HERC4: variants seen among roughly 807,000 people sequenced by gnomAD.
HERC4 encodes the protein probable E3 ubiquitin-protein ligase HERC4.
In HERC4, 28 loss-of-function variants were observed where a neutral mutation model predicts 124.3. That is an observed-to-expected ratio of 0.23 (90% CI 0.17 to 0.31). The LOEUF (loss-of-function observed/expected upper bound fraction) is 0.31, where lower values mean the gene tolerates loss of function less well. Among genes scored for constraint, HERC4 ranks in the 10% least tolerant of loss-of-function variants. The probability of loss-of-function intolerance (pLI) is 1.00; values close to 1 mark genes in which losing one functional copy is unlikely to be tolerated. For missense variants in HERC4, 713 were observed against 1,229.3 expected (o/e 0.58, Z 6.28); for synonymous variants, 407 against 421.5 (o/e 0.97, Z 0.42).
At chr10:68,007,563 T>A (rs2037647474) in intron 9 of HERC4, among the ~76,000 whole-genome samples, 1 of 152,148 alleles carries the variant, frequency 6.6e-6, no homozygotes, top group Non-Finnish European at 1.5e-5. Flanking sequence ...ATTTATTCTA[T>A]CCTTTGCAGT....
intron 24 of HERC4, among the ~76,000 whole-genome samples, chr10:67,923,826 C>T (rs1031768299): frequency 2.0e-5 from 3 of 151,778 alleles, no homozygotes; most frequent in Admixed American, 6.6e-5. Context: ...CCAAGATTCT[C>T]GGAGGTTGCC....
Position 68,059,281 on chromosome 10 carries a change from T to C in HERC4, c.226+13602A>G, listed in dbSNP as rs1469670400. ...TACTAAATTTACAAATTAGAGAAAA[T>C]TGACGGGTTGATGTGGTTGAGTGTC... is the stretch of plus-strand genomic sequence containing the variant. On this transcript the variant is annotated intron_variant, in intron 3 of 24. Coordinates refer to ENST00000373700, the MANE Select transcript of HERC4 (RefSeq NM_015601.4). Among the ~76,000 whole-genome samples, 4 of 151,152 alleles carry C rather than the reference T, an allele frequency of 2.6e-5. No homozygotes were observed. In the South Asian group the frequency reaches 6.2e-4, roughly 23 times the overall value.
At chr10:67,990,179 G>C (rs1022909865) in intron 14 of HERC4, 32 bp downstream of exon 14, 4 of 1,520,712 alleles carry the variant, frequency 2.6e-6, no homozygotes, top group African/African-American at 1.4e-5. Context: ...AAAGAGAAAA[G>C]GTTTCAAAAG....
chr10:67,933,022 G>GA (rs1218777168), intron 22 of HERC4, among the ~76,000 whole-genome samples: 6 of 152,080 alleles, frequency 3.9e-5, no homozygotes, highest in African/African-American at 7.2e-5. Flanking sequence ...ATTCCTAATG[G>GA]AAAAAATGTC....
chr10:68,019,287 C>T (rs1455456587), intron 8 of HERC4, among the ~76,000 whole-genome samples: 7 of 152,080 alleles, frequency 4.6e-5, no homozygotes, highest in Admixed American at 6.6e-5. Context: ...TGAGCCACTG[C>T]GCCCGGTCCA....
At chr10:67,981,245 A>G (rs555393544) in intron 15 of HERC4, among the ~76,000 whole-genome samples, 1 of 152,228 alleles carries the variant, frequency 6.6e-6, no homozygotes, top group African/African-American at 2.4e-5. Flanking sequence ...AGTAGCTACC[A>G]TATCAGAGAA....
intron 9 of HERC4, among the ~76,000 whole-genome samples, chr10:68,011,972 C>T (rs1013968882): frequency 2.0e-5 from 3 of 152,246 alleles, no homozygotes; most frequent in African/African-American, 7.2e-5. Context: ...ACATGCTAGA[C>T]AACTTGCTGT....
At position 68,007,157 on chromosome 10, in the gene HERC4, C is replaced by T. The variant is rs894234141; in HGVS notation, c.1069+6869G>A. Among the ~76,000 whole-genome samples the T allele has an allele frequency of 2.6e-5, 4 of 152,200 alleles. No individual in the cohort carries two copies. The South Asian group carries it at 8.3e-4, about 32-fold the overall frequency. The stretch of plus-strand genomic sequence containing the variant: ...TTCTAGATCCTGTGGGAGTATTTCA[C>T]TCTTTTTTCTTTTGTCAACTCTGTA... On this transcript the variant is annotated intron_variant, in intron 9 of 24. Transcript: ENST00000373700.
intron 3 of HERC4, among the ~76,000 whole-genome samples, chr10:68,064,271 AG>A (rs940013313): frequency 1.9e-4 from 29 of 151,990 alleles, no homozygotes; most frequent in African/African-American, 7.0e-4. Flanking sequence ...AGAAAGAAAT[AG>A]GCCGGGTGCC....
intron 8 of HERC4, 31 bp downstream of exon 8, chr10:68,025,515 G>C (rs775143416): frequency 6.3e-7 from 1 of 1,593,510 alleles, no homozygotes; most frequent in South Asian, 1.1e-5. Flanking sequence ...GCAGTTTAGA[G>C]ACCAAAATGC....
chr10:67,992,309 T>C lies in HERC4; in HGVS notation c.1161A>G (p.Pro387=), dbSNP rs2036595667. 6.2e-7 allele frequency: 1 copy of C among 1,613,758 alleles called. No individual in the cohort carries two copies. The highest frequency in any genetic ancestry group is 8.5e-7 in the Non-Finnish European group (1 of 1,179,774). ...HYSSPQNCGP[P]DDFRCPNPTK... is the part of the protein sequence containing the mutation. ...TCGGATTGGGACATCTGAAGTCATC[T>C]GGTGGCCCACAGTTCTAAATTTTCA... Residue 387 remains proline (P), a synonymous_variant, in exon 11 of 25, where the codon CCA becomes CCG. Coordinates refer to ENST00000373700, the MANE Select transcript of HERC4 (RefSeq NM_015601.4).
At chr10:67,937,113 G>GT (rs2032432429) in intron 21 of HERC4, among the ~76,000 whole-genome samples, 1 of 152,082 alleles carries the variant, frequency 6.6e-6, no homozygotes. Flanking sequence ...ATTAAGAAGA[G>GT]AGTGAGATTT....
intron 19 of HERC4, among the ~76,000 whole-genome samples, chr10:67,948,747 A>G (rs1589156562): frequency 6.6e-6 from 1 of 151,610 alleles, no homozygotes; most frequent in Non-Finnish European, 1.5e-5. Flanking sequence ...ATGCCAAAAC[A>G]CTGTCTTTAC....
At chr10:68,067,373 T>C (rs972509554) in intron 3 of HERC4, among the ~76,000 whole-genome samples, 1 of 152,222 alleles carries the variant, frequency 6.6e-6, no homozygotes, top group Non-Finnish European at 1.5e-5. Context: ...CCCAAGTAAT[T>C]ACTTTTTTCA....
Position 67,966,664 on chromosome 10 carries a change from A to G in HERC4, c.1926+19T>C. 1 of 1,597,912 alleles carries G rather than the reference A, an allele frequency of 6.3e-7. No individual in the cohort carries two copies. Among genetic ancestry groups the G allele is most frequent in the Non-Finnish European group, 8.5e-7 (1 of 1,175,134 alleles). ...ACATATACATAAAAATGAAATCACA[A>G]ATTGCACAGAAAACCTACCATTCCA... On this transcript the variant is annotated intron_variant, in intron 16 of 24. Coordinates refer to ENST00000373700, the MANE Select transcript of HERC4 (RefSeq NM_015601.4).
intron 3 of HERC4, among the ~76,000 whole-genome samples, chr10:68,048,378 G>A (rs1292068507): frequency 2.6e-5 from 4 of 152,098 alleles, no homozygotes; most frequent in Non-Finnish European, 5.9e-5. Flanking sequence ...AGACATGGAA[G>A]AAATTTACTT....
intron 9 of HERC4, chr10:68,010,103 G>A (rs1049451277): frequency 1.3e-5 from 9 of 718,478 alleles, no homozygotes; most frequent in South Asian, 1.2e-4. Flanking sequence ...CTTCCTTACT[G>A]AATGAAGAAC....
At chr10:68,054,284 AT>A (rs925209818) in intron 3 of HERC4, among the ~76,000 whole-genome samples, 9 of 151,278 alleles carry the variant, frequency 5.9e-5, no homozygotes, top group East Asian at 1.9e-4. Flanking sequence ...GTTTTTTATA[AT>A]TTTTTTTTCT....
chr10:67,932,672 A>G lies in HERC4; in HGVS notation c.2763T>C (p.Leu921=). 6.2e-7 allele frequency: 1 copy of G among 1,608,718 alleles called. No homozygotes were observed. The highest frequency in any genetic ancestry group is 2.2e-5 in the East Asian group (1 of 44,780). Reference sequence around the variant, plus strand: ...GTAGTTCATTAGGCTGAAAGAGCAGAAGGACTTTTCCTCCACAGACCTTAT... The same window carrying G: ...GTAGTTCATTAGGCTGAAAGAGCAGGAGGACTTTTCCTCCACAGACCTTAT... ...GFHKVCGGKV[L]LLFQPNELQA... Residue 921 remains leucine (L), a synonymous_variant, in exon 23 of 25, where the codon CTT becomes CTC. Transcript: ENST00000373700.
Sources: allele counts gnomAD v4.1 joint callset (sites outside exome capture counted in the v4.1 genomes callset), GRCh38; gene constraint gnomAD v4.1.1; transcripts MANE v1.5; gene names NCBI Gene and HGNC (gene_info 2026-07-23, HGNC 2026-07-21).